Variants in KDR observed in about 807,000 individuals in gnomAD.
KDR encodes vascular endothelial growth factor receptor 2.
In KDR, 43 loss-of-function variants were observed where a neutral mutation model predicts 160.9. The ratio of observed to expected loss-of-function variants is 0.27; its 90% CI spans 0.21 to 0.34. The LOEUF is 0.34. KDR is among the 10% of genes least tolerant of loss of function. KDR has a pLI of 1.00. For synonymous variants in KDR, 617 were observed against 600.1 expected (o/e 1.03, Z -0.41); for missense variants, 1,469 against 1,666.4 (o/e 0.88, Z 2.06).
At position 55,082,127 on chromosome 4, in the gene KDR, A is replaced by G. The variant is rs922511487; in HGVS notation, c.3763-86T>C. ...ATTAAGCTGATTTCTCAACCCATCT[A>G]TCATGTCTATCAAATAAGGTCCTGT... On this transcript the variant is annotated intron_variant, in intron 28 of 29. Coordinates refer to ENST00000263923, the MANE Select transcript of KDR (RefSeq NM_002253.4). 4.2e-6 allele frequency: 4 copies of G among 944,594 alleles called. No individual in the cohort carries two copies. In the African/African-American group the frequency reaches 6.4e-5, roughly 15 times the overall value. The allele number at this position is 944,594 out of a possible 1,614,324, so 58.5% of individuals were successfully genotyped here.
At chr4:55,091,867 G>A (rs974427807) in intron 22 of KDR, among the ~76,000 whole-genome samples, 8 of 152,126 alleles carry the variant, frequency 5.3e-5, no homozygotes, top group African/African-American at 1.9e-4. Flanking sequence ...CCCGCTTGGT[G>A]TTTACAACCT....
At chr4:55,120,201 A>G (rs919268018) in intron 2 of KDR, among the ~76,000 whole-genome samples, 1 of 152,158 alleles carries the variant, frequency 6.6e-6, no homozygotes, top group Non-Finnish European at 1.5e-5. Context: ...ATTCGGTTTA[A>G]TGCTTAGTAT....
rs560773176 is a variant in KDR, at chr4:55,080,411, T to C, written c.3849-248A>G. On this transcript the variant is annotated intron_variant, in intron 29 of 29. Transcript: ENST00000263923. Reference sequence around the variant, plus strand: ...CAAGTCTTTCAAGCCTCAAATGAGATGAAAGGCAGTTCTCTCGAGTTATGC... The same window carrying C: ...CAAGTCTTTCAAGCCTCAAATGAGACGAAAGGCAGTTCTCTCGAGTTATGC... Among the ~76,000 whole-genome samples, 266 of 152,292 alleles carry C rather than the reference T, an allele frequency of 1.7e-3. 3 individuals are homozygous for C. Among genetic ancestry groups the C allele is most frequent in the Middle Eastern group, 3.4e-3 (1 of 294 alleles).
In KDR at chr4:55,089,265, C is replaced by A. The variant is rs1250856107; in HGVS notation, c.3404+109G>T. ...ATCAAGAAAGGCCCCAAAGTAAAAG[C>A]AGGACACTAACTGGGCAATGAAGAA... On this transcript the variant is annotated intron_variant, in intron 25 of 29. Coordinates refer to ENST00000263923, the MANE Select transcript of KDR (RefSeq NM_002253.4). 7.6e-6 allele frequency: 6 copies of A among 789,160 alleles called. No homozygotes were observed. In the African/African-American group the frequency reaches 1.0e-4, roughly 14 times the overall value. The allele number at this position is 789,160 out of a possible 1,614,324, so 48.9% of individuals were successfully genotyped here. A position where few individuals can be genotyped will look rare whatever the true frequency, so the allele number is the denominator to read the frequency against.
chr4:55,081,807 T>C, intron 29 of KDR, 149 bp downstream of exon 29: 1 of 631,480 alleles, frequency 1.6e-6, no homozygotes, highest in African/African-American at 1.8e-5. Context: ...ATTGTGTGGT[T>C]AGTTTCCATT....
At chr4:55,093,558 G>T (rs1028787484) in intron 21 of KDR, among the ~76,000 whole-genome samples, 4 of 152,198 alleles carry the variant, frequency 2.6e-5, no homozygotes, top group African/African-American at 9.6e-5. Flanking sequence ...AAGACAAAGA[G>T]CAGGGTAGAG....
chr4:55,102,287 G>T (rs1433370210), intron 14 of KDR, 75 bp downstream of exon 14: 1 of 1,527,698 alleles, frequency 6.5e-7, no homozygotes, highest in Non-Finnish European at 9.1e-7. Context: ...ATTACATCAA[G>T]AAATAATATG....
At chr4:55,083,954 G>C (rs904849709) in intron 27 of KDR, among the ~76,000 whole-genome samples, 1 of 152,138 alleles carries the variant, frequency 6.6e-6, no homozygotes, top group African/African-American at 2.4e-5. Flanking sequence ...TACTGGTACC[G>C]TAGTCAATCA....
Position 55,079,346 on chromosome 4 carries a change from A to T in KDR, c.*595T>A, listed in dbSNP as rs1179167920. On this transcript the variant is annotated 3_prime_UTR_variant, in exon 30 of 30. Coordinates refer to ENST00000263923, the MANE Select transcript of KDR (RefSeq NM_002253.4). ...CAGAAACCCCGTCTGAACCCTTTAC[A>T]TTTCAGAACAGACCCCATGCCCACC... 1 of 238,832 alleles carries T rather than the reference A, an allele frequency of 4.2e-6. No individual in the cohort carries two copies. The allele number at this position is 238,832 out of a possible 1,614,324, so 14.8% of individuals were successfully genotyped here. A position where few individuals can be genotyped will look rare whatever the true frequency, so the allele number is the denominator to read the frequency against.
Position 55,090,974 on chromosome 4 carries a change from C to T in KDR, c.3070-896G>A, listed in dbSNP as rs1719999073. 2.7e-5 allele frequency among the ~76,000 whole-genome samples: 4 copies of T among 150,606 alleles called. No homozygotes were observed. In the South Asian group the frequency reaches 8.5e-4, roughly 32 times the overall value. On this transcript the variant is annotated intron_variant, in intron 22 of 29. Transcript: ENST00000263923. ...GGTTCAAGTGATTCTCCTGCCTCTG[C>T]CTCCCAAGTAGTTGGGACCACAGGT...
intron 29 of KDR, among the ~76,000 whole-genome samples, chr4:55,081,171 T>C (rs4864952): frequency 0.26 from 38,983 of 152,090 alleles, 5,993 homozygotes; most frequent in African/African-American, 0.43. Flanking sequence ...CAATGGCACC[T>C]TTTAATATGT....
At chr4:55,106,887 G>C in intron 10 of KDR, 77 bp from the exon 11 acceptor site, 1 of 1,277,404 alleles carries the variant, frequency 7.8e-7, no homozygotes, top group African/African-American at 1.5e-5. Flanking sequence ...AAAAGATTCA[G>C]ACTTTGGTTA....
At chr4:55,106,075 A>G (rs774707619) in intron 11 of KDR, 135 bp from the exon 12 acceptor site, 7 of 740,810 alleles carry the variant, frequency 9.4e-6, no homozygotes, top group Admixed American at 1.9e-5. Flanking sequence ...GACACGCTCA[A>G]ATTTATGCAA....
rs1270728971 is a variant in KDR, at chr4:55,081,977, GT to G, written c.3826del (p.Thr1276ProfsTer52). ...TTACCCAAAAGATGGAGATAATTTG[GT>G]TCTGTCTTCCAAAGTTTTCAGCTCT... is the stretch of plus-strand genomic sequence containing the variant. The part of the protein sequence containing the change: ...SEELKTLEDR[T>X]KLSPSFGGMV... On this transcript the variant is annotated frameshift_variant, in exon 29 of 30. Coordinates refer to ENST00000263923, the MANE Select transcript of KDR (RefSeq NM_002253.4). LOFTEE classifies it high-confidence loss of function. 6.2e-7 allele frequency: 1 copy of G among 1,612,838 alleles called. No individual in the cohort carries two copies. The highest frequency in any genetic ancestry group is 1.3e-5 in the African/African-American group (1 of 74,878).
At chr4:55,121,643 G>A (rs1370430962) in intron 1 of KDR, among the ~76,000 whole-genome samples, 1 of 152,206 alleles carries the variant, frequency 6.6e-6, no homozygotes, top group East Asian at 1.9e-4. Context: ...GTACCCTGAA[G>A]GGAGTGAGAG....
At chr4:55,103,805 T>A (rs1433310091) in intron 13 of KDR, among the ~76,000 whole-genome samples, 1 of 151,732 alleles carries the variant, frequency 6.6e-6, no homozygotes, top group Admixed American at 6.6e-5. Flanking sequence ...GGCACATATA[T>A]CCTAGGAATT....
intron 12 of KDR, among the ~76,000 whole-genome samples, chr4:55,105,489 A>G (rs1325550704): frequency 6.6e-6 from 1 of 152,136 alleles, no homozygotes; most frequent in Non-Finnish European, 1.5e-5. Flanking sequence ...GCCCACCCTC[A>G]TCAACTGTTC....
At chr4:55,112,760 T>C (rs1720626177) in intron 7 of KDR, among the ~76,000 whole-genome samples, 3 of 151,940 alleles carry the variant, frequency 2.0e-5, no homozygotes, top group Admixed American at 2.0e-4. Context: ...GAACTCCTGA[T>C]CTCAGGTGAT....
At chr4:55,107,127 C>G (rs1720464124) in intron 10 of KDR, among the ~76,000 whole-genome samples, 1 of 152,174 alleles carries the variant, frequency 6.6e-6, no homozygotes, top group Admixed American at 6.5e-5. Context: ...CACTGGGCTC[C>G]TTAAAGTAAT....
Sources: gnomAD v4.1 joint callset for allele counts (sites outside exome capture counted in the v4.1 genomes callset) on GRCh38, gnomAD v4.1.1 for gene constraint, MANE v1.5 for transcripts, NCBI Gene and HGNC (gene_info 2026-07-23, HGNC 2026-07-21) for gene names.